Variants in ATXN1 observed in about 807,000 individuals in gnomAD.
ATXN1 encodes ataxin 1, also known as ataxin-1.
ATXN1 carries 8 observed loss-of-function variants against 56.4 expected under a neutral mutation model. The ratio of observed to expected loss-of-function variants is 0.14; its 90% confidence interval spans 0.08 to 0.26. The LOEUF (loss-of-function observed/expected upper bound fraction) is 0.26, where lower values mean the gene tolerates loss of function less well. Ranked by LOEUF, ATXN1 falls within the 10% of genes least tolerant of loss-of-function variation. ATXN1 has a pLI of 1.00. For missense variants in ATXN1, 987 were observed against 1,106.5 expected, an observed-to-expected ratio of 0.89 and a Z score of 1.53; for synonymous variants, 514 against 494.6, an observed-to-expected ratio of 1.04 and a Z score of -0.52.
At chr6:16,457,452 C>T (rs1232095326) in intron 6 of ATXN1, among the ~76,000 whole-genome samples, 3 of 151,780 alleles carry the variant, frequency 2.0e-5, no homozygotes, top group Non-Finnish European at 4.4e-5. Flanking sequence ...TCAACAAGCT[C>T]ACCCTTGAAA....
At chr6:16,433,705 C>A (rs1232927352) in intron 6 of ATXN1, among the ~76,000 whole-genome samples, 1 of 152,186 alleles carries the variant, frequency 6.6e-6, no homozygotes, top group Non-Finnish European at 1.5e-5. Context: ...CATGATGAAA[C>A]AGGTGCATTA....
intron 6 of ATXN1, among the ~76,000 whole-genome samples, chr6:16,437,548 GGACAACTTAT>G (rs925581373): frequency 2.6e-5 from 4 of 152,212 alleles, no homozygotes; most frequent in African/African-American, 9.6e-5. Context: ...GGAATTAAAA[GGACAACTTAT>G]AACCTTACTG....
intron 7 of ATXN1, among the ~76,000 whole-genome samples, chr6:16,325,977 T>C (rs1760794066): frequency 6.6e-6 from 1 of 152,326 alleles, no homozygotes; most frequent in African/African-American, 2.4e-5. Flanking sequence ...GGGATATGAT[T>C]GCTTTAGCAT....
chr6:16,420,779 G>A (rs2113565211), intron 6 of ATXN1, among the ~76,000 whole-genome samples: 1 of 152,228 alleles, frequency 6.6e-6, no homozygotes, highest in East Asian at 1.9e-4. Flanking sequence ...TTACTTGGAA[G>A]GCTATTATCT....
intron 5 of ATXN1, among the ~76,000 whole-genome samples, chr6:16,489,374 T>C (rs1320778322): frequency 6.6e-6 from 1 of 152,166 alleles, no homozygotes; most frequent in Admixed American, 6.5e-5. Flanking sequence ...ATGATGCCTA[T>C]CATCATCATG....
chr6:16,562,666 G>A (rs1762145726), intron 4 of ATXN1, among the ~76,000 whole-genome samples: 1 of 152,090 alleles, frequency 6.6e-6, no homozygotes, highest in South Asian at 2.1e-4. Flanking sequence ...ATTGGGCCGA[G>A]AAGTTTCCAG....
intron 5 of ATXN1, among the ~76,000 whole-genome samples, chr6:16,493,546 C>T (rs764167949): frequency 2.0e-5 from 3 of 150,718 alleles, no homozygotes; most frequent in Non-Finnish European, 4.4e-5. Context: ...ATTCCTTATC[C>T]TACAATAGGT....
At chr6:16,591,863 A>T (rs1762729096) in intron 3 of ATXN1, among the ~76,000 whole-genome samples, 1 of 152,210 alleles carries the variant, frequency 6.6e-6, no homozygotes, top group African/African-American at 2.4e-5. Flanking sequence ...AAGCCAAAAA[A>T]AATCCATTTT....
intron 6 of ATXN1, among the ~76,000 whole-genome samples, chr6:16,368,345 T>TC (rs57633877): frequency 7.4e-3 from 89 of 12,002 alleles, no homozygotes; most frequent in African/African-American, 0.042. Flanking sequence ...TTCTTCTTCT[T>TC]TTTTTTTTTT....
chr6:16,714,773 G>A (rs990807097), intron 2 of ATXN1, among the ~76,000 whole-genome samples: 2 of 151,960 alleles, frequency 1.3e-5, no homozygotes, highest in Admixed American at 6.6e-5. Flanking sequence ...GTGTTTCAAA[G>A]GGGGGGCTAT....
chr6:16,676,408 A>T (rs1758661375), intron 2 of ATXN1, among the ~76,000 whole-genome samples: 2 of 152,296 alleles, frequency 1.3e-5, no homozygotes, highest in South Asian at 4.1e-4. Context: ...CCCACAATTA[A>T]CAGCCTATGA....
At chr6:16,696,702 A>G (rs1036337987) in intron 2 of ATXN1, among the ~76,000 whole-genome samples, 4 of 152,232 alleles carry the variant, frequency 2.6e-5, no homozygotes, top group Non-Finnish European at 5.9e-5. Flanking sequence ...TTCTCTGTGT[A>G]GAGAGGAACC....
intron 3 of ATXN1, among the ~76,000 whole-genome samples, chr6:16,598,237 C>T (rs950974295): frequency 4.6e-5 from 7 of 152,120 alleles, no homozygotes; most frequent in African/African-American, 1.4e-4. Context: ...CACAACCTGC[C>T]GGAACGGGTT....
chr6:16,674,331 ACTTT>A, intron 2 of ATXN1, among the ~76,000 whole-genome samples: 1 of 131,066 alleles, frequency 7.6e-6, no homozygotes, highest in Non-Finnish European at 1.6e-5. Flanking sequence ...GTTACAGAGA[ACTTT>A]CTTTTTTTTT....
chr6:16,635,739 C>T (rs541759694), intron 3 of ATXN1, among the ~76,000 whole-genome samples: 33 of 152,282 alleles, frequency 2.2e-4, no homozygotes, highest in Admixed American at 9.8e-4. Context: ...AAAAGGGCTT[C>T]AGAAGGAGAA....
chr6:16,583,437 A>C (rs1419177511), intron 4 of ATXN1, among the ~76,000 whole-genome samples: 1 of 152,202 alleles, frequency 6.6e-6, no homozygotes, highest in Non-Finnish European at 1.5e-5. Context: ...ATGCATCTGT[A>C]GGATAAAGCA....
intron 4 of ATXN1, among the ~76,000 whole-genome samples, chr6:16,539,808 A>C (rs767290714): frequency 1.3e-5 from 2 of 152,144 alleles, no homozygotes; most frequent in Admixed American, 6.5e-5. Flanking sequence ...CCTCTGCACA[A>C]CATCAACAAA....
At chr6:16,648,287 C>T (rs1763836325) in intron 3 of ATXN1, among the ~76,000 whole-genome samples, 1 of 151,964 alleles carries the variant, frequency 6.6e-6, no homozygotes, top group Non-Finnish European at 1.5e-5. Flanking sequence ...TGGACCCACA[C>T]ATACAGTCTG....
At chr6:16,727,430 C>T (rs562882121) in intron 2 of ATXN1, among the ~76,000 whole-genome samples, 5 of 152,068 alleles carry the variant, frequency 3.3e-5, no homozygotes, top group Non-Finnish European at 5.9e-5. Flanking sequence ...TAACTGGGCT[C>T]AGAGAAGACA....
Sources: allele counts gnomAD v4.1 joint callset (sites outside exome capture counted in the v4.1 genomes callset), GRCh38; gene constraint gnomAD v4.1.1; transcripts MANE v1.5; gene names NCBI Gene and HGNC (gene_info 2026-07-23, HGNC 2026-07-21).